Variants in IKBKE observed in about 807,000 individuals in gnomAD.
IKBKE encodes the protein inhibitor of nuclear factor kappa B kinase subunit epsilon, also known as inhibitor of nuclear factor kappa-B kinase subunit epsilon.
IKBKE carries 45 observed loss-of-function variants against 92.1 expected under a neutral mutation model. That is an observed-to-expected ratio of 0.49 (90% CI 0.38 to 0.63). IKBKE has a LOEUF of 0.63. Among genes scored for constraint, IKBKE ranks in the 20% least tolerant of loss-of-function variants. The pLI, the probability that IKBKE is intolerant of heterozygous loss-of-function variation, is 0.00. For missense variants in IKBKE, 700 were observed against 932.8 expected, an observed-to-expected ratio of 0.75 and a Z score of 3.25; for synonymous variants, 374 against 380.3, an observed-to-expected ratio of 0.98 and a Z score of 0.19.
chr1:206,473,385 G>A (rs1664883004), intron 3 of IKBKE, 71 bp downstream of exon 3: 1 of 1,155,684 alleles, frequency 8.7e-7, no homozygotes, highest in South Asian at 1.3e-5. Flanking sequence ...AGCTGGCCCA[G>A]TCAGCCCCCA....
Position 206,490,876 on chromosome 1 carries a change from CGGCAGGTGGGTG to C in IKBKE, c.1733+25_1733+36del. On this transcript the variant is annotated intron_variant, in intron 17 of 21. Transcript: ENST00000581977. This position sits in a 1 kb window ranked among gnomAD's most constrained non-coding sequence, Gnocchi z 5.2. ...CTGGATAAGTGAGTGGCCTGTCCTC[CGGCAGGTGGGTG>C]GGCAGGAGGGTGGGTGTCCTCAGGG... 1 of 1,613,288 alleles carries C rather than the reference CGGCAGGTGGGTG, an allele frequency of 6.2e-7. No homozygotes were observed. The highest frequency in any genetic ancestry group is 8.5e-7 in the Non-Finnish European group (1 of 1,179,336).
At position 206,476,154 on chromosome 1, in the gene IKBKE, G is replaced by C. The variant is rs1553385209; in HGVS notation, c.359-27G>C. 2 of 1,612,408 alleles carry C rather than the reference G, an allele frequency of 1.2e-6. No homozygotes were observed. The highest frequency in any genetic ancestry group is 3.3e-5 in the Admixed American group (2 of 59,932). Reference sequence around the variant, plus strand: ...ACTAGACTGTCCCCGACCAGAGCCAGCTAGTGGCCTCCCCGTCTGTCCCCA... The same window carrying C: ...ACTAGACTGTCCCCGACCAGAGCCACCTAGTGGCCTCCCCGTCTGTCCCCA... On this transcript the variant is annotated intron_variant, in intron 5 of 21. Coordinates refer to ENST00000581977, the MANE Select transcript of IKBKE (RefSeq NM_014002.4). This position sits in a 1 kb window ranked among gnomAD's most constrained non-coding sequence, Gnocchi z 5.1.
intron 7 of IKBKE, among the ~76,000 whole-genome samples, chr1:206,477,191 A>G (rs1250278994): frequency 1.3e-5 from 2 of 152,130 alleles, no homozygotes; most frequent in East Asian, 3.9e-4. Context: ...CCCAGGTCCA[A>G]GGTCTTTCCA....
At chr1:206,489,305 A>G (rs1665814072) in intron 16 of IKBKE, among the ~76,000 whole-genome samples, 2 of 146,718 alleles carry the variant, frequency 1.4e-5, no homozygotes, top group Admixed American at 1.4e-4. Context: ...CATTTATAAC[A>G]CATCTCTATT....
chr1:206,483,964 C>A (rs1364632892), intron 13 of IKBKE, among the ~76,000 whole-genome samples: 2 of 151,374 alleles, frequency 1.3e-5, no homozygotes, highest in Admixed American at 6.6e-5. Flanking sequence ...TATTTCTTTT[C>A]TTTTTTTTCA....
chr1:206,476,954 AC>A lies in IKBKE; in HGVS notation c.701+122del. ...ACACTCCATGGCCCTCCTCTGGTCC[AC>A]CCCCCAACCCAGGCTCTTTGTAGAT... On this transcript the variant is annotated intron_variant, in intron 7 of 21. Transcript: ENST00000581977. This position sits in a 1 kb window ranked among gnomAD's most constrained non-coding sequence, Gnocchi z 5.1. The A allele has an allele frequency of 1.4e-5, 15 of 1,088,844 alleles. No homozygotes were observed. Among genetic ancestry groups the A allele is most frequent in the South Asian group, 3.1e-5 (2 of 65,158 alleles). 67.4% of individuals were successfully genotyped at this position (1,088,844 alleles called of 1,614,324 possible).
At chr1:206,494,592 CTTTTTTTT>C (rs58971788) in intron 21 of IKBKE, among the ~76,000 whole-genome samples, 5 of 63,900 alleles carry the variant, frequency 7.8e-5, no homozygotes. Flanking sequence ...AAAGTTCTTT[CTTTTTTTT>C]TTTTTTTTTT....
In IKBKE at chr1:206,479,894, TC is replaced by T. The variant is rs781937564; in HGVS notation, c.1212del (p.Val406TrpfsTer33). 1.2e-6 allele frequency: 2 copies of T among 1,613,698 alleles called. No homozygotes were observed. The highest frequency in any genetic ancestry group is 1.7e-6 in the Non-Finnish European group (2 of 1,179,934). On this transcript the variant is annotated frameshift_variant, in exon 11 of 22. Coordinates refer to ENST00000581977, the MANE Select transcript of IKBKE (RefSeq NM_014002.4). LOFTEE classifies it high-confidence loss of function. Reference sequence around the variant, plus strand: ...GCTGCTCTGGACGTCCCCAAGTTCGTCCCCAAAGTGGACCTGCAGGCGGATT... The same window carrying T: ...GCTGCTCTGGACGTCCCCAAGTTCGTCCCAAAGTGGACCTGCAGGCGGATT... ...RDPALDVPKF[V>X]PKVDLQADYN... is the part of the protein sequence containing the mutation.
chr1:206,474,597 T>A lies in IKBKE; in HGVS notation c.228+126T>A, dbSNP rs1001640842. 4.0e-6 allele frequency: 4 copies of A among 1,005,986 alleles called. No individual in the cohort carries two copies. The African/African-American group carries it at 5.0e-5, about 13-fold the overall frequency. The allele number at this position is 1,005,986 out of a possible 1,614,324, so 62.3% of individuals were successfully genotyped here. A position where few individuals can be genotyped will look rare whatever the true frequency, so the allele number is the denominator to read the frequency against. On this transcript the variant is annotated intron_variant, in intron 4 of 21. Transcript: ENST00000581977. ...AGCAGGTCAGAGACAGCAGGCAAATTGCAGAAGGGAGCAAAGGGGGCAAGG... is the reference window on the plus strand; with the variant it reads ...AGCAGGTCAGAGACAGCAGGCAAATAGCAGAAGGGAGCAAAGGGGGCAAGG...
rs1351765956 is a variant in IKBKE, at chr1:206,490,261, G to C, written c.1694-558G>C. Reference sequence around the variant, plus strand: ...AGGCCCATTCCTGCGAAGACCAGGAGGGGGCAGCATCTCCCTAGTGCATGA... The same window carrying C: ...AGGCCCATTCCTGCGAAGACCAGGACGGGGCAGCATCTCCCTAGTGCATGA... On this transcript the variant is annotated intron_variant, in intron 16 of 21. Transcript: ENST00000581977. This position sits in a 1 kb window ranked among gnomAD's most constrained non-coding sequence, Gnocchi z 5.2. 1.3e-5 allele frequency among the ~76,000 whole-genome samples: 2 copies of C among 152,236 alleles called. No homozygotes were observed. Among genetic ancestry groups the C allele is most frequent in the Non-Finnish European group, 2.9e-5 (2 of 68,040 alleles).
intron 13 of IKBKE, among the ~76,000 whole-genome samples, chr1:206,481,208 C>T (rs891022566): frequency 1.3e-5 from 2 of 152,192 alleles, no homozygotes; most frequent in Non-Finnish European, 2.9e-5. Flanking sequence ...CTGGAAGGCA[C>T]GAGGCCATGG....
At chr1:206,472,179 G>A (rs1487498986) in intron 2 of IKBKE, among the ~76,000 whole-genome samples, 5 of 152,094 alleles carry the variant, frequency 3.3e-5, no homozygotes, top group African/African-American at 1.2e-4. Context: ...TGAGCCCAGG[G>A]GGTGGAGGTT....
chr1:206,479,655 A>G (rs1206202697), intron 10 of IKBKE, among the ~76,000 whole-genome samples: 1 of 152,196 alleles, frequency 6.6e-6, no homozygotes, highest in Non-Finnish European at 1.5e-5. Context: ...GCTCTTGGAC[A>G]TGAGGAGGTA....
At chr1:206,491,186 T>C (rs1338282123) in intron 17 of IKBKE, 11 of 429,268 alleles carry the variant, frequency 2.6e-5, no homozygotes, top group Non-Finnish European at 3.4e-5. Context: ...CTTCCCTGCC[T>C]CCCCCCGCTC....
intron 8 of IKBKE, 60 bp downstream of exon 8, chr1:206,477,919 G>C: frequency 8.3e-7 from 1 of 1,201,690 alleles, no homozygotes; most frequent in Non-Finnish European, 1.2e-6. Context: ...ACTTCTCTCT[G>C]CTAAGTCAAG....
chr1:206,490,860 T>A lies in IKBKE; in HGVS notation c.1733+2T>A, dbSNP rs1553390154. The stretch of plus-strand genomic sequence containing the variant: ...GGAGCAGATTCACAAGCTGGATAAG[T>A]GAGTGGCCTGTCCTCCGGCAGGTGG... On this transcript the variant is annotated splice_donor_variant, in intron 17 of 21. Transcript: ENST00000581977. LOFTEE classifies it high-confidence loss of function. The surrounding 1 kb of genome is among the most constrained non-coding windows in gnomAD (Gnocchi z 5.2). The A allele has an allele frequency of 6.2e-7, 1 of 1,613,926 alleles. No homozygotes were observed. The highest frequency in any genetic ancestry group is 8.5e-7 in the Non-Finnish European group (1 of 1,179,914).
chr1:206,494,000 C>G lies in IKBKE; in HGVS notation c.2117+9C>G. On this transcript the variant is annotated intron_variant, in intron 21 of 21. Transcript: ENST00000581977. The stretch of plus-strand genomic sequence containing the variant: ...AACCGCATCATCGAACGGTAAGGAG[C>G]TTTCACCTTGTGTAGGTCAGGGCCG... The G allele has an allele frequency of 6.2e-7, 1 of 1,613,142 alleles. No homozygotes were observed. The highest frequency in any genetic ancestry group is 1.1e-5 in the South Asian group (1 of 91,062).
chr1:206,496,274 C>CGACATCCTGGCCAG lies in IKBKE; in HGVS notation c.*129_*130insGACATCCTGGCCAG. ...AGCCTACCTCCCTCCTGGCTGCTGG[C>CGACATCCTGGCCAG]CAGGATGTCGCCAGCATTACCTTCC... On this transcript the variant is annotated 3_prime_UTR_variant, in exon 22 of 22. Coordinates refer to ENST00000581977, the MANE Select transcript of IKBKE (RefSeq NM_014002.4). 2 of 774,106 alleles carry CGACATCCTGGCCAG rather than the reference C, an allele frequency of 2.6e-6. No individual in the cohort carries two copies. Among genetic ancestry groups the CGACATCCTGGCCAG allele is most frequent in the Non-Finnish European group, 4.5e-6 (2 of 441,006 alleles). The allele number at this position is 774,106 out of a possible 1,614,324, so 48.0% of individuals were successfully genotyped here.
At chr1:206,473,437 T>G in intron 3 of IKBKE, 123 bp downstream of exon 3, 1 of 682,760 alleles carries the variant, frequency 1.5e-6, no homozygotes, top group Non-Finnish European at 2.5e-6. Flanking sequence ...CTGGATGTTG[T>G]GTAGCACACT....
Sources: allele counts gnomAD v4.1 joint callset (sites outside exome capture counted in the v4.1 genomes callset), GRCh38; gene constraint gnomAD v4.1.1; non-coding constraint Gnocchi (gnomAD v3.1); transcripts MANE v1.5; gene names NCBI Gene and HGNC (gene_info 2026-07-23, HGNC 2026-07-21).